Variants in EMB observed in about 807,000 individuals in gnomAD.
EMB encodes the protein embigin homolog.
A neutral mutation model predicts 41.4 loss-of-function variants in EMB; 31 were observed. That is an observed-to-expected ratio of 0.75 (90% CI 0.56 to 1.01). The LOEUF is 1.01. EMB is among the 50% of genes least tolerant of loss of function. The probability of loss-of-function intolerance (pLI) is 0.00; values close to 1 mark genes in which losing one functional copy is unlikely to be tolerated. For missense variants in EMB, 379 were observed against 388.3 expected, an observed-to-expected ratio of 0.98 and a Z score of 0.20; for synonymous variants, 137 against 140.4, an observed-to-expected ratio of 0.98 and a Z score of 0.17.
chr5:50,405,972 A>T, intron 4 of EMB, 120 bp from the exon 5 acceptor site: 1 of 1,369,604 alleles, frequency 7.3e-7, no homozygotes, highest in East Asian at 2.7e-5. Context: ...ACTTTCAGTT[A>T]TATATCAATG....
chr5:50,396,990 A>T lies in EMB; in HGVS notation c.*2283T>A, dbSNP rs1440377795. 3 of 152,144 alleles carry T rather than the reference A, an allele frequency of 2.0e-5. No individual in the cohort carries two copies. The highest frequency in any genetic ancestry group is 4.4e-5 in the Non-Finnish European group (3 of 68,018). The allele number at this position is 152,144 out of a possible 1,614,324, so 9.4% of individuals were successfully genotyped here. A position where few individuals can be genotyped will look rare whatever the true frequency, so the allele number is the denominator to read the frequency against. On this transcript the variant is annotated 3_prime_UTR_variant, in exon 9 of 9. Transcript: ENST00000303221. Reference sequence around the variant, plus strand: ...ATAACAAAAAGACTGCAAAAGGAGAAGATTTACACTTTGGCAAAAAATGTA... The same window carrying T: ...ATAACAAAAAGACTGCAAAAGGAGATGATTTACACTTTGGCAAAAAATGTA...
At chr5:50,402,518 A>G (rs1321474499) in intron 6 of EMB, among the ~76,000 whole-genome samples, 199 bp from the exon 7 acceptor site, 2 of 151,984 alleles carry the variant, frequency 1.3e-5, no homozygotes, top group Admixed American at 6.6e-5. Flanking sequence ...CTGATCAAAC[A>G]TAGTTTAGTG....
At chr5:50,437,880 T>C (rs547097823) in intron 1 of EMB, among the ~76,000 whole-genome samples, 1 of 152,152 alleles carries the variant, frequency 6.6e-6, no homozygotes, top group Non-Finnish European at 1.5e-5. Flanking sequence ...TTTCTCCAAT[T>C]TGTGTCATGT....
rs1579730745 is a variant in EMB, at chr5:50,417,006, T to C, written c.197-5623A>G. 2.0e-5 allele frequency among the ~76,000 whole-genome samples: 3 copies of C among 152,184 alleles called. No individual in the cohort carries two copies. The South Asian group carries it at 6.2e-4, about 32-fold the overall frequency. On this transcript the variant is annotated intron_variant, in intron 2 of 8. Coordinates refer to ENST00000303221, the MANE Select transcript of EMB (RefSeq NM_198449.3). ...CTACTCTTGACACACTGCCCAGGGG[T>C]ACCCCTGCTCTGAAGGAGAAGTCAC...
intron 1 of EMB, among the ~76,000 whole-genome samples, chr5:50,436,468 TC>T (rs2111870665): frequency 6.6e-6 from 1 of 152,326 alleles, no homozygotes; most frequent in South Asian, 2.1e-4. Flanking sequence ...GCCACACCTG[TC>T]CCCACAGAGA....
chr5:50,428,726 C>G (rs1363836689), intron 1 of EMB: 2 of 985,230 alleles, frequency 2.0e-6, no homozygotes, highest in African/African-American at 1.7e-5. Context: ...TATTTGTTTT[C>G]TAGCTACGGT....
intron 1 of EMB, among the ~76,000 whole-genome samples, chr5:50,434,302 G>A (rs370661578): frequency 4.6e-5 from 7 of 152,330 alleles, no homozygotes. Flanking sequence ...AGATACATCA[G>A]CAATACTGAT....
At position 50,441,037 on chromosome 5, in the gene EMB, C is replaced by T; in HGVS notation, c.112+3G>A. The T allele has an allele frequency of 6.7e-7, 1 of 1,501,154 alleles. No individual in the cohort carries two copies. The highest frequency in any genetic ancestry group is 8.9e-7 in the Non-Finnish European group (1 of 1,124,300). The allele number at this position is 1,501,154 out of a possible 1,614,324, so 93.0% of individuals were successfully genotyped here. A position where few individuals can be genotyped will look rare whatever the true frequency, so the allele number is the denominator to read the frequency against. ...CCTACCCTGGACCCTGTACCCATCA[C>T]ACCTGGGGCACTGCCGTCCGCCGAG... On this transcript the variant is annotated splice_donor_region_variant and intron_variant, in intron 1 of 8. Transcript: ENST00000303221.
At chr5:50,442,937 G>GA (rs1414168374), upstream of EMB, 1 of 152,110 alleles carries the variant, frequency 6.6e-6, no homozygotes, top group Non-Finnish European at 1.5e-5. Flanking sequence ...TTTATGACCA[G>GA]AAAAACTTAC....
At chr5:50,442,585 G>A (rs766561454), upstream of EMB, among the ~76,000 whole-genome samples, 19 of 152,114 alleles carry the variant, frequency 1.2e-4, no homozygotes, top group Non-Finnish European at 1.8e-4. Flanking sequence ...CCTCTTCTCA[G>A]AAAATTATGG....
chr5:50,438,849 C>T (rs1745848726), intron 1 of EMB, among the ~76,000 whole-genome samples: 1 of 151,864 alleles, frequency 6.6e-6, no homozygotes, highest in Non-Finnish European at 1.5e-5. Flanking sequence ...TCCCCTCCCC[C>T]ATTCATCTTA....
intron 4 of EMB, among the ~76,000 whole-genome samples, chr5:50,408,760 T>C (rs1489661508): frequency 2.6e-5 from 4 of 152,064 alleles, no homozygotes; most frequent in Admixed American, 6.6e-5. Flanking sequence ...TAATAGGACA[T>C]TTATAAAAAT....
intron 8 of EMB, among the ~76,000 whole-genome samples, 187 bp downstream of exon 8, chr5:50,399,672 G>A (rs1561129359): frequency 6.6e-6 from 1 of 151,896 alleles, no homozygotes; most frequent in East Asian, 1.9e-4. Flanking sequence ...GCCCTCTGGT[G>A]GAAAATGATT....
intron 1 of EMB, among the ~76,000 whole-genome samples, chr5:50,434,579 G>A (rs1745773798): frequency 6.6e-6 from 1 of 152,074 alleles, no homozygotes; most frequent in South Asian, 2.1e-4. Flanking sequence ...AAGCACTTTG[G>A]GCTTCAAGAT....
At chr5:50,426,732 T>C in intron 2 of EMB, among the ~76,000 whole-genome samples, 1 of 152,072 alleles carries the variant, frequency 6.6e-6, no homozygotes, top group East Asian at 1.9e-4. Context: ...TTGATACATA[T>C]CAATGTTATG....
rs753863851 is a variant in EMB, at chr5:50,405,807, C to T, written c.518G>A (p.Gly173Glu). ...GKNKPLISYV[G>E]DSTVLTCKCQ... ...TTTACATGTCAAGACAGTAGAATCC[C>T]CTACGTAAGAGATCAATGGCTTGTT... Residue 173 changes from glycine to glutamate, a missense_variant, in exon 5 of 9, where the codon GGG becomes GAG. Transcript: ENST00000303221. The T allele has an allele frequency of 1.9e-6, 3 of 1,598,034 alleles. No homozygotes were observed. Among genetic ancestry groups the T allele is most frequent in the African/African-American group, 2.7e-5 (2 of 73,736 alleles).
At chr5:50,406,660 C>A (rs558477703) in intron 4 of EMB, among the ~76,000 whole-genome samples, 4 of 152,056 alleles carry the variant, frequency 2.6e-5, no homozygotes, top group African/African-American at 9.6e-5. Flanking sequence ...GGTACACTTA[C>A]ACTGAAGATG....
chr5:50,421,423 A>AG (rs1470376830), intron 2 of EMB, among the ~76,000 whole-genome samples: 1 of 152,136 alleles, frequency 6.6e-6, no homozygotes, highest in Non-Finnish European at 1.5e-5. Context: ...GTGGAGAAAT[A>AG]GGAACACTTT....
At chr5:50,427,489 CATT>C (rs36061609) in intron 2 of EMB, among the ~76,000 whole-genome samples, 5,689 of 149,446 alleles carry the variant, frequency 0.038, 324 homozygotes, top group African/African-American at 0.12. Context: ...TAAATGAAGA[CATT>C]ATTATTATTA....
Sources: gnomAD v4.1 joint callset for allele counts (sites outside exome capture counted in the v4.1 genomes callset) on GRCh38, gnomAD v4.1.1 for gene constraint, MANE v1.5 for transcripts, NCBI Gene and HGNC (gene_info 2026-07-23, HGNC 2026-07-21) for gene names.